CUL4A: variants seen among roughly 807,000 people sequenced by gnomAD.
CUL4A encodes the protein cullin-4A.
CUL4A carries 16 observed loss-of-function variants against 95.5 expected under a neutral mutation model. The ratio of observed to expected loss-of-function variants is 0.17; its 90% confidence interval spans 0.11 to 0.25. The LOEUF is 0.25. CUL4A is among the 10% of genes least tolerant of loss of function. The pLI, the probability that CUL4A is intolerant of heterozygous loss-of-function variation, is 1.00. For missense variants in CUL4A, 610 were observed against 937.0 expected (o/e 0.65, Z 4.56); for synonymous variants, 380 against 353.1 (o/e 1.08, Z -0.85).
Position 113,243,176 on chromosome 13 carries a change from T to C in CUL4A, c.1228+16T>C. On this transcript the variant is annotated intron_variant, in intron 11 of 19. Transcript: ENST00000375440. The stretch of plus-strand genomic sequence containing the variant: ...GAACTGATCGGTAGAAAAATATTTG[T>C]TTTTTTTGTTTGTTTGTTTTTGAGA... 2 of 1,565,494 alleles carry C rather than the reference T, an allele frequency of 1.3e-6. No homozygotes were observed. Among genetic ancestry groups the C allele is most frequent in the Non-Finnish European group, 1.7e-6 (2 of 1,147,118 alleles).
chr13:113,234,753 C>T (rs1566348286), intron 7 of CUL4A, among the ~76,000 whole-genome samples: 1 of 152,208 alleles, frequency 6.6e-6, no homozygotes, highest in Non-Finnish European at 1.5e-5. Flanking sequence ...TGAGGCTCAG[C>T]TCCCTGTGGG....
At chr13:113,253,864 A>T (rs2042055823) in intron 16 of CUL4A, among the ~76,000 whole-genome samples, 1 of 152,254 alleles carries the variant, frequency 6.6e-6, no homozygotes, top group Admixed American at 6.5e-5. Context: ...GCAAAAACAT[A>T]AAATTCCTAT....
intron 16 of CUL4A, among the ~76,000 whole-genome samples, chr13:113,253,578 A>T (rs866703341): frequency 1.2e-4 from 18 of 152,100 alleles, no homozygotes; most frequent in Middle Eastern, 3.4e-3. Context: ...AAAAAAAATT[A>T]AAAAAAACAG....
At chr13:113,251,460 G>A (rs943420617) in intron 15 of CUL4A, among the ~76,000 whole-genome samples, 4 of 152,156 alleles carry the variant, frequency 2.6e-5, no homozygotes, top group Non-Finnish European at 5.9e-5. Flanking sequence ...TGGTGAGCTC[G>A]TGGGAGAGGA....
In CUL4A at chr13:113,236,960, G is replaced by C. The variant is rs978388584; in HGVS notation, c.916+70G>C. 6 of 1,067,354 alleles carry C rather than the reference G, an allele frequency of 5.6e-6. No individual in the cohort carries two copies. The African/African-American group carries it at 8.0e-5, about 14-fold the overall frequency. 66.1% of individuals were successfully genotyped at this position (1,067,354 alleles called of 1,614,324 possible). The stretch of plus-strand genomic sequence containing the variant: ...TTAGTTCATTAGGAAAGTAAAGGGG[G>C]CATTACAAATAGCAGTGTTAGGACG... On this transcript the variant is annotated intron_variant, in intron 9 of 19. Transcript: ENST00000375440.
At chr13:113,236,594 G>T (rs368124431) in intron 8 of CUL4A, among the ~76,000 whole-genome samples, 25 of 152,184 alleles carry the variant, frequency 1.6e-4, no homozygotes, top group Non-Finnish European at 4.4e-5. Context: ...CCCTGGGCCC[G>T]CCCGTGGGCC....
At chr13:113,249,911 C>T (rs1026788528) in intron 15 of CUL4A, among the ~76,000 whole-genome samples, 7 of 152,294 alleles carry the variant, frequency 4.6e-5, no homozygotes, top group Middle Eastern at 3.4e-3. Flanking sequence ...AATGTCTGTT[C>T]ACGTGCTTTG....
At chr13:113,220,494 G>A (rs1324087976) in intron 3 of CUL4A, among the ~76,000 whole-genome samples, 2 of 152,246 alleles carry the variant, frequency 1.3e-5, no homozygotes, top group African/African-American at 4.8e-5. Context: ...CCACGGCTCA[G>A]CAATGCGCTT....
rs780527215 is a variant in CUL4A at position 113,254,794 on chromosome 13, G to C, written c.1854G>C (p.Gly618=). The stretch of plus-strand genomic sequence containing the variant: ...TTGAGGAGATAAAAATGGCCACGGG[G>C]ATAGGTACGAAAACTGCAGAGTGCA... The part of the protein sequence containing the change: ...FSFEEIKMAT[G]IEDSELRRTL... Residue 618 remains glycine, a synonymous_variant, in exon 17 of 20, where the codon GGG becomes GGC. Coordinates refer to ENST00000375440, the MANE Select transcript of CUL4A (RefSeq NM_001008895.4). 1 of 1,612,728 alleles carries C rather than the reference G, an allele frequency of 6.2e-7. No individual in the cohort carries two copies. The highest frequency in any genetic ancestry group is 8.5e-7 in the Non-Finnish European group (1 of 1,179,142).
In CUL4A at chr13:113,260,597, T is replaced by C. The variant is rs1232898030; in HGVS notation, c.2032-10T>C. 2 of 1,588,246 alleles carry C rather than the reference T, an allele frequency of 1.3e-6. No individual in the cohort carries two copies. The highest frequency in any genetic ancestry group is 1.7e-6 in the Non-Finnish European group (2 of 1,173,722). On this transcript the variant is annotated splice_polypyrimidine_tract_variant and intron_variant, in intron 18 of 19. Transcript: ENST00000375440. ...TTTTACACTTAACTTTTTTTTTCTT[T>C]TTTATACAGGTTGAGGAACAGGTTA... is the stretch of plus-strand genomic sequence containing the variant.
rs766101045 is a variant in CUL4A, at chr13:113,245,144, G to A, written c.1445-8G>A. On this transcript the variant is annotated splice_polypyrimidine_tract_variant and splice_region_variant and intron_variant, in intron 13 of 19. Transcript: ENST00000375440. ...CCCCGATCTCACTCCCTCCTTTGCT[G>A]TGTCCAGAGTGCGGTGCAGCCTTCA... The A allele has an allele frequency of 6.2e-7, 1 of 1,614,138 alleles. No homozygotes were observed. Among genetic ancestry groups the A allele is most frequent in the Admixed American group, 1.7e-5 (1 of 60,022 alleles).
Position 113,229,313 on chromosome 13 carries a change from TAAAAC to T in CUL4A, c.439-131_439-127del, listed in dbSNP as rs2041225517. The T allele has an allele frequency of 1.3e-5, 9 of 670,624 alleles. No individual in the cohort carries two copies. The South Asian group carries it at 1.7e-4, about 12-fold the overall frequency. 41.5% of individuals were successfully genotyped at this position (670,624 alleles called of 1,614,324 possible). A position where few individuals can be genotyped will look rare whatever the true frequency, so the allele number is the denominator to read the frequency against. The stretch of plus-strand genomic sequence containing the variant: ...CAAAATTAACTTTAGAAAAAAAAAA[TAAAAC>T]ATGAGGGCTGTGGTGGACAGGAAAC... On this transcript the variant is annotated intron_variant, in intron 4 of 19. Coordinates refer to ENST00000375440, the MANE Select transcript of CUL4A (RefSeq NM_001008895.4).
At chr13:113,244,880 A>T in intron 12 of CUL4A, 69 bp from the exon 13 acceptor site, 2 of 966,862 alleles carry the variant, frequency 2.1e-6, no homozygotes, top group Non-Finnish European at 3.3e-6. Context: ...TCAGCAGTTG[A>T]AGTTTGAAGT....
chr13:113,229,938 A>G (rs1339128080), intron 5 of CUL4A: 6 of 408,178 alleles, frequency 1.5e-5, no homozygotes, highest in Non-Finnish European at 2.6e-5. Flanking sequence ...CCTCCTGAGC[A>G]CATAGCACTC....
chr13:113,252,316 G>A (rs375921473), intron 15 of CUL4A, among the ~76,000 whole-genome samples: 24 of 152,178 alleles, frequency 1.6e-4, no homozygotes, highest in African/African-American at 4.1e-4. Context: ...CAGGAGGAGC[G>A]CTTGGGCCCA....
intron 2 of CUL4A, among the ~76,000 whole-genome samples, chr13:113,212,646 G>A (rs141957155): frequency 0.02 from 2,980 of 152,252 alleles, 46 homozygotes; most frequent in Non-Finnish European, 0.027. Context: ...TTAGCCGGGC[G>A]TGGTGGCAGG....
At chr13:113,262,417 G>A (rs2042305309) in intron 19 of CUL4A, among the ~76,000 whole-genome samples, 1 of 152,194 alleles carries the variant, frequency 6.6e-6, no homozygotes, top group Non-Finnish European at 1.5e-5. Context: ...TTTGGGAGCT[G>A]AGGCAGGCGG....
intron 7 of CUL4A, 43 bp downstream of exon 7, chr13:113,234,029 G>A (rs751910448): frequency 8.3e-7 from 1 of 1,206,252 alleles, no homozygotes; most frequent in Admixed American, 1.8e-5. Flanking sequence ...CTTCGTTTCT[G>A]CAGATGAGCA....
At chr13:113,228,457 T>G (rs2041187503) in intron 4 of CUL4A, among the ~76,000 whole-genome samples, 1 of 152,152 alleles carries the variant, frequency 6.6e-6, no homozygotes, top group Non-Finnish European at 1.5e-5. Context: ...GTTAATTACT[T>G]AAGTGAGAGA....
Sources: allele counts gnomAD v4.1 joint callset (sites outside exome capture counted in the v4.1 genomes callset), GRCh38; gene constraint gnomAD v4.1.1; transcripts MANE v1.5; gene names NCBI Gene and HGNC (gene_info 2026-07-23, HGNC 2026-07-21).